The following ZKSCAN5 variants were observed in gnomAD, a reference collection of about 807,000 sequenced individuals.
ZKSCAN5 encodes the protein zinc finger with KRAB and SCAN domains 5.
ZKSCAN5 carries 28 observed loss-of-function variants against 60.0 expected under a neutral mutation model. The ratio of observed to expected loss-of-function variants is 0.47; its 90% confidence interval spans 0.35 to 0.64. The LOEUF is 0.64. Ranked by LOEUF, ZKSCAN5 falls within the 30% of genes least tolerant of loss-of-function variation. The probability of loss-of-function intolerance (pLI) is 0.01; values close to 1 mark genes in which losing one functional copy is unlikely to be tolerated. For synonymous variants in ZKSCAN5, 361 were observed against 371.2 expected, an observed-to-expected ratio of 0.97 and a Z score of 0.31; for missense variants, 881 against 1,034.6, an observed-to-expected ratio of 0.85 and a Z score of 2.04.
At position 99,532,882 on chromosome 7, in the gene ZKSCAN5, CTG is replaced by C. The variant is rs1402928517; in HGVS notation, c.*636_*637del. On this transcript the variant is annotated 3_prime_UTR_variant, in exon 7 of 7. Transcript: ENST00000326775. ...CTGCCTTATTCAATCCACCACTTCT[CTG>C]TGAAACACTCTACCTTGTTTTTGGT... is the stretch of plus-strand genomic sequence containing the variant. 1 of 161,676 alleles carries C rather than the reference CTG, an allele frequency of 6.2e-6. No individual in the cohort carries two copies. Among genetic ancestry groups the C allele is most frequent in the Non-Finnish European group, 1.4e-5 (1 of 73,584 alleles). The allele number at this position is 161,676 out of a possible 1,614,324, so 10.0% of individuals were successfully genotyped here.
At position 99,522,159 on chromosome 7, in the gene ZKSCAN5, G is replaced by A. The variant is rs548146881; in HGVS notation, c.772+1855G>A. On this transcript the variant is annotated intron_variant, in intron 5 of 6. Coordinates refer to ENST00000326775, the MANE Select transcript of ZKSCAN5 (RefSeq NM_145102.4). Reference sequence around the variant, plus strand: ...GGTTTCTGCCTCCTTTACTTCTCTCGGAAGGCCATGTTAGATTCTTTTCAC... The same window carrying A: ...GGTTTCTGCCTCCTTTACTTCTCTCAGAAGGCCATGTTAGATTCTTTTCAC... Among the ~76,000 whole-genome samples, 143 of 151,938 alleles carry A rather than the reference G, an allele frequency of 9.4e-4. No homozygotes were observed. The Middle Eastern group carries it at 0.01, about 11-fold the overall frequency.
At position 99,512,592 on chromosome 7, in the gene ZKSCAN5, G is replaced by A. The variant is rs763697568; in HGVS notation, c.553+1G>A. On this transcript the variant is annotated splice_donor_variant, in intron 3 of 6. Transcript: ENST00000326775. LOFTEE classifies it high-confidence loss of function. ...AAGCCTCGTCTCCTGGAGGAAAATG[G>A]TGAGGCTCAGTGATTCAGTGGAACT... 3 of 1,613,362 alleles carry A rather than the reference G, an allele frequency of 1.9e-6. No individual in the cohort carries two copies. Among genetic ancestry groups the A allele is most frequent in the Non-Finnish European group, 2.5e-6 (3 of 1,179,720 alleles).
intron 6 of ZKSCAN5, among the ~76,000 whole-genome samples, chr7:99,530,396 A>G (rs986284133): frequency 2.0e-5 from 3 of 152,016 alleles, no homozygotes; most frequent in Non-Finnish European, 4.4e-5. Flanking sequence ...TGTGGCTTTA[A>G]TTTGCACCTT....
intron 2 of ZKSCAN5, among the ~76,000 whole-genome samples, chr7:99,509,019 C>T (rs1800899002): frequency 6.6e-6 from 1 of 151,818 alleles, no homozygotes; most frequent in Non-Finnish European, 1.5e-5. Flanking sequence ...GGTGGAGTCT[C>T]ACTCTGTCAC....
At position 99,506,216 on chromosome 7, in the gene ZKSCAN5, T is replaced by C; in HGVS notation, c.172T>C (p.Tyr58His). ...TFYQRFRHFQ[Y>H]HEASGPREAL... Reference sequence around the variant, plus strand: ...TTACCAGCGCTTCAGGCACTTCCAGTACCATGAGGCTTCAGGACCCCGGGA... The same window carrying C: ...TTACCAGCGCTTCAGGCACTTCCAGCACCATGAGGCTTCAGGACCCCGGGA... The change falls in exon 2 of 7, where the codon TAC (tyrosine) becomes CAC (histidine). Residue 58 changes from tyrosine (Y) to histidine (H), a missense_variant. Transcript: ENST00000326775. The C allele has an allele frequency of 6.2e-7, 1 of 1,614,166 alleles. No individual in the cohort carries two copies. Among genetic ancestry groups the C allele is most frequent in the Non-Finnish European group, 8.5e-7 (1 of 1,180,026 alleles).
chr7:99,522,069 C>G (rs181056058), intron 5 of ZKSCAN5, among the ~76,000 whole-genome samples: 70 of 152,272 alleles, frequency 4.6e-4, no homozygotes, highest in African/African-American at 1.6e-3. Flanking sequence ...CATTCTCTAT[C>G]TCTTCATTAT....
chr7:99,525,674 T>C, intron 5 of ZKSCAN5, 139 bp from the exon 6 acceptor site: 1 of 1,203,142 alleles, frequency 8.3e-7, no homozygotes, highest in Non-Finnish European at 1.1e-6. Flanking sequence ...ATATTTTTCA[T>C]CCCATCCCTG....
intron 3 of ZKSCAN5, among the ~76,000 whole-genome samples, chr7:99,515,964 C>G (rs1028703963): frequency 1.3e-5 from 2 of 151,962 alleles, no homozygotes; most frequent in African/African-American, 4.8e-5. Context: ...ATCCATCCTC[C>G]TCCCCTCTTC....
Position 99,532,412 on chromosome 7 carries a change from A to T in ZKSCAN5, c.*163A>T, listed in dbSNP as rs995904343. The T allele has an allele frequency of 6.6e-5, 37 of 562,688 alleles. No individual in the cohort carries two copies. The highest frequency in any genetic ancestry group is 1.4e-5 in the Non-Finnish European group (5 of 349,686). 34.9% of individuals were successfully genotyped at this position (562,688 alleles called of 1,614,324 possible). On this transcript the variant is annotated 3_prime_UTR_variant, in exon 7 of 7. Transcript: ENST00000326775. ...CTTTAGGAACACCGGAGAACCCACA[A>T]TAATAGAAATCTTTTCGTGTTCCCC...
At chr7:99,513,772 A>G (rs1385224269) in intron 3 of ZKSCAN5, 3 of 342,668 alleles carry the variant, frequency 8.8e-6, no homozygotes, top group Non-Finnish European at 1.2e-5. Flanking sequence ...TCACACTTGT[A>G]ATCCCTGCAC....
At chr7:99,526,553 G>C in intron 6 of ZKSCAN5, 135 bp downstream of exon 6, 1 of 1,408,888 alleles carries the variant, frequency 7.1e-7, no homozygotes, top group Non-Finnish European at 9.5e-7. Context: ...TCGTTTATTT[G>C]GTTCTTATGT....
Position 99,531,913 on chromosome 7 carries a change from T to G in ZKSCAN5, c.2184T>G (p.Tyr728Ter). ...ATATCTGTGGAAAAGCCTTTGGTTA[T>G]AGCTCAGACCTCATTCAGCATTACA... is the stretch of plus-strand genomic sequence containing the variant. The part of the protein sequence containing the change: ...QCDICGKAFG[Y>*]SSDLIQHYRT... The change falls in exon 7 of 7, where the codon TAT becomes TAG. Residue 728 changes from tyrosine to a stop codon, truncating the protein, a stop_gained. Coordinates refer to ENST00000326775, the MANE Select transcript of ZKSCAN5 (RefSeq NM_145102.4). LOFTEE classifies it low-confidence loss of function (END_TRUNC). 6.2e-7 allele frequency: 1 copy of G among 1,614,176 alleles called. No homozygotes were observed. The highest frequency in any genetic ancestry group is 1.6e-4 in the Middle Eastern group (1 of 6,062).
chr7:99,530,324 C>T (rs866110273), intron 6 of ZKSCAN5, among the ~76,000 whole-genome samples: 3 of 151,978 alleles, frequency 2.0e-5, no homozygotes, highest in Non-Finnish European at 4.4e-5. Context: ...TGTGAGCCAC[C>T]ACGCCCGGCC....
chr7:99,507,154 T>C (rs1800773661), intron 2 of ZKSCAN5, among the ~76,000 whole-genome samples: 2 of 152,310 alleles, frequency 1.3e-5, no homozygotes, highest in South Asian at 2.1e-4. Flanking sequence ...TGTATAAGCA[T>C]ATATACGTCT....
intron 2 of ZKSCAN5, among the ~76,000 whole-genome samples, chr7:99,506,849 A>ATTTTTTTTT (rs34098119): frequency 1.4e-4 from 18 of 125,904 alleles, no homozygotes; most frequent in East Asian, 2.3e-4. Flanking sequence ...GGCCCGGCTA[A>ATTTTTTTTT]TTTTTTTTTT....
At position 99,531,942 on chromosome 7, in the gene ZKSCAN5, C is replaced by T. The variant is rs770108930; in HGVS notation, c.2213C>T (p.Thr738Ile). The T allele has an allele frequency of 6.2e-7, 1 of 1,614,146 alleles. No homozygotes were observed. The highest frequency in any genetic ancestry group is 8.5e-7 in the Non-Finnish European group (1 of 1,180,036). Residue 738 changes from threonine to isoleucine, a missense_variant, in exon 7 of 7, where the codon ACT becomes ATT. By Grantham distance (89) the Thr-to-Ile change is moderately conservative. Transcript: ENST00000326775. ...YSSDLIQHYR[T>I]HTAEKPYQCD... is the part of the protein sequence containing the mutation. ...TCAGACCTCATTCAGCATTACAGAA[C>T]TCATACAGCAGAGAAGCCCTATCAA...
intron 5 of ZKSCAN5, among the ~76,000 whole-genome samples, chr7:99,522,303 C>T (rs1801570544): frequency 6.6e-6 from 1 of 152,024 alleles, no homozygotes; most frequent in Non-Finnish European, 1.5e-5. Context: ...GCAGCAGTTT[C>T]CGTGGAGTGG....
At chr7:99,517,116 A>C (rs1801300147) in intron 3 of ZKSCAN5, among the ~76,000 whole-genome samples, 1 of 152,152 alleles carries the variant, frequency 6.6e-6, no homozygotes, top group African/African-American at 2.4e-5. Context: ...CCCAGGCTGG[A>C]GTGCAATGGC....
chr7:99,528,119 C>CT (rs869150553), intron 6 of ZKSCAN5, among the ~76,000 whole-genome samples: 2,052 of 121,236 alleles, frequency 0.017, 27 homozygotes, highest in African/African-American at 0.049. Context: ...AAATGTTTTT[C>CT]TTTTTTTTTT....
Sources: gnomAD v4.1 joint callset for allele counts (sites outside exome capture counted in the v4.1 genomes callset) on GRCh38, gnomAD v4.1.1 for gene constraint, MANE v1.5 for transcripts, NCBI Gene and HGNC (gene_info 2026-07-23, HGNC 2026-07-21) for gene names.